The following RUFY3 variants were observed in gnomAD, a reference collection of about 807,000 sequenced individuals.
RUFY3 encodes protein RUFY3.
RUFY3 carries 34 observed loss-of-function variants against 84.0 expected under a neutral mutation model. The observed-to-expected ratio is 0.40, with a 90% CI of 0.31 to 0.54. The LOEUF (loss-of-function observed/expected upper bound fraction) is 0.54, where lower values mean the gene tolerates loss of function less well. Among genes scored for constraint, RUFY3 ranks in the 20% least tolerant of loss-of-function variants. The pLI is 0.39. For missense variants in RUFY3, 507 were observed against 736.8 expected, an observed-to-expected ratio of 0.69 and a Z score of 3.61; for synonymous variants, 242 against 252.9, an observed-to-expected ratio of 0.96 and a Z score of 0.41.
chr4:70,734,523 G>C (rs1719966244), intron 1 of RUFY3: 1 of 985,432 alleles, frequency 1.0e-6, no homozygotes, highest in Non-Finnish European at 1.2e-6. Context: ...ATGGGACAAA[G>C]TTTTCTGGAC....
intron 1 of RUFY3, among the ~76,000 whole-genome samples, chr4:70,748,633 T>C (rs1408238794): frequency 6.6e-6 from 1 of 152,160 alleles, no homozygotes; most frequent in Non-Finnish European, 1.5e-5. Flanking sequence ...TTATTACTCA[T>C]GACAGTGCAA....
At position 70,762,512 on chromosome 4, in the gene RUFY3, G is replaced by C; in HGVS notation, c.179-7G>C. The C allele has an allele frequency of 6.3e-7, 1 of 1,593,488 alleles. No homozygotes were observed. Among genetic ancestry groups the C allele is most frequent in the South Asian group, 1.1e-5 (1 of 89,228 alleles). On this transcript the variant is annotated splice_polypyrimidine_tract_variant and splice_region_variant and intron_variant, in intron 1 of 17. Transcript: ENST00000381006. Reference sequence around the variant, plus strand: ...CCAGCCTTCATCTTCTTCCCCTTTGGCTGCAGATCCTAATTATCTCATGGC... The same window carrying C: ...CCAGCCTTCATCTTCTTCCCCTTTGCCTGCAGATCCTAATTATCTCATGGC...
At chr4:70,803,325 T>C in intron 16 of RUFY3, 1 of 239,552 alleles carries the variant, frequency 4.2e-6, no homozygotes, top group East Asian at 8.4e-5. Flanking sequence ...ACATAAATGA[T>C]TGTAAAACAC....
At chr4:70,799,565 A>T (rs1731969573) in intron 14 of RUFY3, 1 of 152,292 alleles carries the variant, frequency 6.6e-6, no homozygotes. Flanking sequence ...ACGGTGATGC[A>T]CGCCTATAAT....
Position 70,775,171 on chromosome 4 carries a change from C to A in RUFY3, c.762C>A (p.Asp254Glu). 2 of 1,594,464 alleles carry A rather than the reference C, an allele frequency of 1.3e-6. No individual in the cohort carries two copies. The highest frequency in any genetic ancestry group is 1.7e-6 in the Non-Finnish European group (2 of 1,167,466). ...DGNSSKGTEG[D>E]GQITAILDQK... ...TATTTTCTTCCCCTTCCCCCAGAGACGGTCAGATTACTGCAATTCTGGACC... is the reference window on the plus strand; with the variant it reads ...TATTTTCTTCCCCTTCCCCCAGAGAAGGTCAGATTACTGCAATTCTGGACC... Residue 254 changes from aspartate to glutamate, a missense_variant, in exon 7 of 18, where the codon GAC becomes GAA. Around this residue, in one of 4 missense-constraint regions of RUFY3, gnomAD observed 23 missense variants for 17.0 expected, o/e 1.36. Coordinates refer to ENST00000381006, the MANE Select transcript of RUFY3 (RefSeq NM_001037442.4).
intron 1 of RUFY3, among the ~76,000 whole-genome samples, chr4:70,707,497 C>T (rs1740472626): frequency 6.6e-6 from 1 of 152,170 alleles, no homozygotes; most frequent in Non-Finnish European, 1.5e-5. Flanking sequence ...CCACTTACCT[C>T]AGCCTCCCAA....
chr4:70,705,128 C>G, exon 1 of RUFY3: 1 of 1,440,554 alleles, frequency 6.9e-7, no homozygotes, highest in Non-Finnish European at 9.1e-7. Flanking sequence ...TGGCCGCCCC[C>G]TTCTTCCTGC....
intron 1 of RUFY3, among the ~76,000 whole-genome samples, chr4:70,725,071 T>C (rs1016167312): frequency 1.3e-5 from 2 of 152,010 alleles, no homozygotes; most frequent in African/African-American, 4.8e-5. Context: ...CAAAAGAAAA[T>C]AGGCAAACAG....
At chr4:70,778,150 C>T (rs1728273563) in intron 7 of RUFY3, among the ~76,000 whole-genome samples, 1 of 152,126 alleles carries the variant, frequency 6.6e-6, no homozygotes, top group Non-Finnish European at 1.5e-5. Flanking sequence ...AAGAGAATCA[C>T]TTGAACCCAG....
intron 1 of RUFY3, among the ~76,000 whole-genome samples, chr4:70,709,658 A>G (rs1740744628): frequency 6.6e-6 from 1 of 152,058 alleles, no homozygotes; most frequent in African/African-American, 2.4e-5. Context: ...GCCGTTAGAG[A>G]TCGTCTTGTG....
intron 8 of RUFY3, among the ~76,000 whole-genome samples, 176 bp downstream of exon 8, chr4:70,778,614 T>C (rs1728373894): frequency 6.7e-6 from 1 of 149,496 alleles, no homozygotes. Context: ...AGTTTCGCTT[T>C]TGTTGCCCAG....
At chr4:70,778,344 CTT>C in intron 7 of RUFY3, 23 bp from the exon 8 acceptor site, 1 of 1,383,658 alleles carries the variant, frequency 7.2e-7, no homozygotes, top group Middle Eastern at 1.8e-4. Flanking sequence ...TCAAAAGTGA[CTT>C]TTTTTTCTTC....
chr4:70,709,047 G>A (rs1326885880), intron 1 of RUFY3, among the ~76,000 whole-genome samples: 1 of 152,156 alleles, frequency 6.6e-6, no homozygotes, highest in Non-Finnish European at 1.5e-5. Context: ...AATAGAGCGA[G>A]ATGCTGTTTC....
rs1036504536 is a variant in RUFY3 at position 70,714,813 on chromosome 4, A to G, written c.358+9519A>G. 9.2e-5 allele frequency among the ~76,000 whole-genome samples: 14 copies of G among 152,294 alleles called. No individual in the cohort carries two copies. The East Asian group carries it at 2.7e-3, about 29-fold the overall frequency. On this transcript the variant is annotated intron_variant, in intron 1 of 11. Transcript: ENST00000417478. Reference sequence around the variant, plus strand: ...CAACTGAGTAAATTGAGGCAAGAGGAGGATAAATTTCCCAAGGTCACCTAC... The same window carrying G: ...CAACTGAGTAAATTGAGGCAAGAGGGGGATAAATTTCCCAAGGTCACCTAC...
intron 15 of RUFY3, 121 bp from the exon 16 acceptor site, chr4:70,802,835 A>C: frequency 3.1e-6 from 2 of 647,458 alleles, no homozygotes; most frequent in Non-Finnish European, 5.3e-6. Flanking sequence ...AAGTAATATA[A>C]AAGACCTACA....
At chr4:70,738,524 G>A (rs571824853) in intron 1 of RUFY3, among the ~76,000 whole-genome samples, 11 of 150,704 alleles carry the variant, frequency 7.3e-5, no homozygotes, top group Non-Finnish European at 1.3e-4. Context: ...CACCACGCCC[G>A]GCTAATTTTT....
rs75511751 is a variant in RUFY3, at chr4:70,750,714, C to T, written c.179-11805C>T. 2.1e-3 allele frequency among the ~76,000 whole-genome samples: 318 copies of T among 152,194 alleles called. 1 individual carries two copies. The highest frequency in any genetic ancestry group is 4.4e-3 in the Admixed American group (68 of 15,294). On this transcript the variant is annotated intron_variant, in intron 1 of 17. Coordinates refer to ENST00000381006, the MANE Select transcript of RUFY3 (RefSeq NM_001037442.4). Reference sequence around the variant, plus strand: ...ACTCTCTATTCTTCCTCCTCCCAGCCGCTGGCAACCACTAGTCTATTTTCT... The same window carrying T: ...ACTCTCTATTCTTCCTCCTCCCAGCTGCTGGCAACCACTAGTCTATTTTCT...
chr4:70,769,446 TA>T (rs1191243654), intron 5 of RUFY3, among the ~76,000 whole-genome samples: 1 of 152,208 alleles, frequency 6.6e-6, no homozygotes, highest in African/African-American at 2.4e-5. Context: ...ACTTTATTGC[TA>T]AAAAAATGCT....
upstream of RUFY3, among the ~76,000 whole-genome samples, chr4:70,717,597 TTGTG>T (rs1560440732): frequency 6.8e-6 from 1 of 147,892 alleles, no homozygotes; most frequent in South Asian, 2.1e-4. Flanking sequence ...GTGTGTGTGT[TTGTG>T]TGTGTGTGTT....
Sources: allele counts gnomAD v4.1 joint callset (sites outside exome capture counted in the v4.1 genomes callset), GRCh38; gene constraint gnomAD v4.1.1; regional missense constraint gnomAD v4.1.1; transcripts MANE v1.5; gene names NCBI Gene and HGNC (gene_info 2026-07-23, HGNC 2026-07-21).